Variants in KCNQ1 observed in about 807,000 individuals in gnomAD.
KCNQ1 encodes potassium voltage-gated channel subfamily KQT member 1.
KCNQ1 carries 49 observed loss-of-function variants against 72.4 expected under a neutral mutation model. That is an observed-to-expected ratio of 0.68 (90% CI 0.54 to 0.86). KCNQ1 has a LOEUF of 0.86. KCNQ1 is among the 40% of genes least tolerant of loss of function. The probability of loss-of-function intolerance (pLI) is 0.00; values close to 1 mark genes in which losing one functional copy is unlikely to be tolerated. For missense variants in KCNQ1, 790 were observed against 945.1 expected, an observed-to-expected ratio of 0.84 and a Z score of 2.15; for synonymous variants, 450 against 412.6, an observed-to-expected ratio of 1.09 and a Z score of -1.10.
chr11:2,833,778 A>T (rs1470773249), intron 15 of KCNQ1, among the ~76,000 whole-genome samples: 3 of 152,230 alleles, frequency 2.0e-5, no homozygotes, highest in Non-Finnish European at 4.4e-5. Flanking sequence ...GACCGAGACA[A>T]CAGTGGGGAA....
At chr11:2,728,053 C>T (rs1461411668) in intron 11 of KCNQ1, among the ~76,000 whole-genome samples, 4 of 152,182 alleles carry the variant, frequency 2.6e-5, no homozygotes, top group Non-Finnish European at 5.9e-5. Context: ...TTCCCCTCCT[C>T]CCTCCCCAGC....
rs183501786 is a variant in KCNQ1, at chr11:2,464,491, G to A, written c.386+19007G>A. ...ATTTGACCTAGGAGAGTGCCGGGGT[G>A]GGGGCAGGTGCACTGTGGTCCTGGG... On this transcript the variant is annotated intron_variant, in intron 1 of 15. Coordinates refer to ENST00000155840, the MANE Select transcript of KCNQ1 (RefSeq NM_000218.3). The surrounding 1 kb of genome is among the most constrained non-coding windows in gnomAD (Gnocchi z 5.0). 9.5e-4 allele frequency among the ~76,000 whole-genome samples: 145 copies of A among 152,276 alleles called. No individual in the cohort carries two copies. Among genetic ancestry groups the A allele is most frequent in the Non-Finnish European group, 1.7e-3 (113 of 68,016 alleles).
chr11:2,707,592 G>A (rs1464684789), intron 11 of KCNQ1, among the ~76,000 whole-genome samples: 1 of 152,202 alleles, frequency 6.6e-6, no homozygotes, highest in Non-Finnish European at 1.5e-5. Flanking sequence ...AAATGGATGT[G>A]CACTGGCACA....
In KCNQ1 at chr11:2,691,458, T is replaced by G. The variant is rs1850586575; in HGVS notation, c.1514+29377T>G. 1 of 398,576 alleles carries G rather than the reference T, an allele frequency of 2.5e-6. No homozygotes were observed. The highest frequency in any genetic ancestry group is 4.4e-6 in the Non-Finnish European group (1 of 226,050). 24.7% of individuals were successfully genotyped at this position (398,576 alleles called of 1,614,324 possible). Reference sequence around the variant, plus strand: ...CCTGCCCCCACTGAGTCTCTGATGTTGACAGCCTCTTTGTTTTTTCATCTC... The same window carrying G: ...CCTGCCCCCACTGAGTCTCTGATGTGGACAGCCTCTTTGTTTTTTCATCTC... On this transcript the variant is annotated intron_variant, in intron 11 of 15. Transcript: ENST00000155840. The surrounding 1 kb of genome is among the most constrained non-coding windows in gnomAD (Gnocchi z 6.4).
At chr11:2,485,665 C>T (rs1369516396) in intron 1 of KCNQ1, among the ~76,000 whole-genome samples, 2 of 152,128 alleles carry the variant, frequency 1.3e-5, no homozygotes, top group East Asian at 1.9e-4. Flanking sequence ...ACTGAAACTC[C>T]ATCCCCATTA....
chr11:2,579,184 C>T lies in KCNQ1; in HGVS notation c.922-4251C>T, dbSNP rs1848462833. ...TTTCTGGGCTGGCCTCTGTCCTCCCCTCGAGGCCAGCCTTGAGGAGGCTAC... is the reference window on the plus strand; with the variant it reads ...TTTCTGGGCTGGCCTCTGTCCTCCCTTCGAGGCCAGCCTTGAGGAGGCTAC... On this transcript the variant is annotated intron_variant, in intron 6 of 15. Coordinates refer to ENST00000155840, the MANE Select transcript of KCNQ1 (RefSeq NM_000218.3). This position sits in a 1 kb window ranked among gnomAD's most constrained non-coding sequence, Gnocchi z 6.0. Among the ~76,000 whole-genome samples, 1 of 152,174 alleles carries T rather than the reference C, an allele frequency of 6.6e-6. No homozygotes were observed. Among genetic ancestry groups the T allele is most frequent in the South Asian group, 2.1e-4 (1 of 4,828 alleles).
intron 15 of KCNQ1, 21 bp from the exon 16 acceptor site, chr11:2,847,746 C>T (rs770990225): frequency 2.4e-5 from 38 of 1,567,486 alleles, no homozygotes; most frequent in East Asian, 1.2e-4. Context: ...CTGACTCTCT[C>T]GTCTGCCTTT....
intron 11 of KCNQ1, chr11:2,689,075 C>T (rs1850545736): frequency 2.5e-6 from 1 of 398,816 alleles, no homozygotes. Context: ...CCCGGTGGCA[C>T]ATCCGGCCTG....
intron 15 of KCNQ1, among the ~76,000 whole-genome samples, chr11:2,800,419 C>T (rs538149905): frequency 8.7e-4 from 133 of 152,354 alleles, no homozygotes; most frequent in Non-Finnish European, 1.4e-3. Context: ...CTCCCAGCCC[C>T]TGCCAGCTTT....
rs531553728 is a variant in KCNQ1, at chr11:2,532,248, C to T, written c.477+4230C>T. Among the ~76,000 whole-genome samples the T allele has an allele frequency of 1.5e-4, 23 of 152,328 alleles. No individual in the cohort carries two copies. In the East Asian group the frequency reaches 4.2e-3, roughly 28 times the overall value. ...GGTGGGACCCCGTGGCTGCGCTAAC[C>T]CCACAAGCTCTGCATGGCGCTTCCT... is the stretch of plus-strand genomic sequence containing the variant. On this transcript the variant is annotated intron_variant, in intron 2 of 15. Transcript: ENST00000155840.
intron 6 of KCNQ1, among the ~76,000 whole-genome samples, chr11:2,580,679 G>C (rs952836963): frequency 1.3e-5 from 2 of 152,194 alleles, no homozygotes; most frequent in African/African-American, 4.8e-5. Flanking sequence ...ATTTGCCTGG[G>C]GAACACAGAC....
At chr11:2,465,149 A>G (rs1846333846) in intron 1 of KCNQ1, among the ~76,000 whole-genome samples, 1 of 151,708 alleles carries the variant, frequency 6.6e-6, no homozygotes, top group South Asian at 2.1e-4. Flanking sequence ...GCCCCTTCCC[A>G]GAAGTTTTTT....
rs1340757657 is a variant in KCNQ1 at position 2,495,221 on chromosome 11, TTC to T, written c.387-32701_387-32700del. ...ATTTTTTATTGCATCTATTTGATTC[TTC>T]TCTCTTTTCTTCTTTGTTAGTCTGG... On this transcript the variant is annotated intron_variant, in intron 1 of 15. Coordinates refer to ENST00000155840, the MANE Select transcript of KCNQ1 (RefSeq NM_000218.3). This position sits in a 1 kb window ranked among gnomAD's most constrained non-coding sequence, Gnocchi z 4.6. Among the ~76,000 whole-genome samples, 2 of 152,224 alleles carry T rather than the reference TTC, an allele frequency of 1.3e-5. No homozygotes were observed. The highest frequency in any genetic ancestry group is 2.4e-5 in the African/African-American group (1 of 41,460).
rs183581027 is a variant in KCNQ1, at chr11:2,664,985, C to T, written c.1514+2904C>T. On this transcript the variant is annotated intron_variant, in intron 11 of 15. Coordinates refer to ENST00000155840, the MANE Select transcript of KCNQ1 (RefSeq NM_000218.3). The surrounding 1 kb of genome is among the most constrained non-coding windows in gnomAD (Gnocchi z 5.1). ...TTACGGGAAGGTCCCTGGGGCTGGG[C>T]GAAGCTCCTCTTTCCGGGGCCTGTT... The T allele has an allele frequency of 5.2e-4, 209 of 398,570 alleles. 2 individuals are homozygous for T. In the East Asian group the frequency reaches 7.3e-3, roughly 14 times the overall value. 24.7% of individuals were successfully genotyped at this position (398,570 alleles called of 1,614,324 possible). A position where few individuals can be genotyped will look rare whatever the true frequency, so the allele number is the denominator to read the frequency against.
chr11:2,470,254 C>T (rs1236518401), intron 1 of KCNQ1, among the ~76,000 whole-genome samples: 1 of 152,210 alleles, frequency 6.6e-6, no homozygotes, highest in Non-Finnish European at 1.5e-5. Context: ...GGAAAAACTC[C>T]AGTCACAGAA....
At chr11:2,749,649 A>ATT (rs1165773389) in intron 11 of KCNQ1, among the ~76,000 whole-genome samples, 377 of 141,670 alleles carry the variant, frequency 2.7e-3, no homozygotes, top group Non-Finnish European at 4.2e-3. Context: ...TACAAAAAAA[A>ATT]AAAAAAAAAA....
intron 11 of KCNQ1, among the ~76,000 whole-genome samples, chr11:2,733,841 C>T (rs1292054347): frequency 1.0e-4 from 4 of 38,464 alleles, no homozygotes; most frequent in South Asian, 7.2e-4. Flanking sequence ...CTCTCTCTCT[C>T]TCTCTCTCTC....
intron 10 of KCNQ1, chr11:2,635,969 A>G (rs1409456882): frequency 6.6e-6 from 1 of 152,122 alleles, no homozygotes; most frequent in African/African-American, 2.4e-5. Flanking sequence ...TTCACTCATG[A>G]TTTGGCTCTC....
In KCNQ1 at chr11:2,670,876, GA is replaced by G. The variant is rs1406199822; in HGVS notation, c.1514+8797del. On this transcript the variant is annotated intron_variant, in intron 11 of 15. Transcript: ENST00000155840. This position sits in a 1 kb window ranked among gnomAD's most constrained non-coding sequence, Gnocchi z 4.9. Reference sequence around the variant, plus strand: ...TCCTCACTGGCCAGTGGGCCACTGGGAAGCCTCCTGGATTGCCTGGACAAGG... The same window carrying G: ...TCCTCACTGGCCAGTGGGCCACTGGGAGCCTCCTGGATTGCCTGGACAAGG... The G allele has an allele frequency of 2.5e-6, 1 of 398,522 alleles. No individual in the cohort carries two copies. The highest frequency in any genetic ancestry group is 4.4e-6 in the Non-Finnish European group (1 of 226,088). The allele number at this position is 398,522 out of a possible 1,614,324, so 24.7% of individuals were successfully genotyped here.
Sources: gnomAD v4.1 joint callset for allele counts (sites outside exome capture counted in the v4.1 genomes callset) on GRCh38, gnomAD v4.1.1 for gene constraint, Gnocchi (gnomAD v3.1) non-coding constraint, MANE v1.5 for transcripts, NCBI Gene and HGNC (gene_info 2026-07-23, HGNC 2026-07-21) for gene names.